Variants in ICE2 observed in about 807,000 individuals in gnomAD.
The protein encoded by ICE2 is interactor of little elongation complex ELL subunit 2.
Under a neutral mutation model 105.4 loss-of-function variants are expected in ICE2, and 87 were observed. That is an observed-to-expected ratio of 0.83 (90% CI 0.69 to 0.99). The LOEUF is 0.99. ICE2 is among the 50% of genes least tolerant of loss of function. ICE2 has a pLI of 0.00. For synonymous variants in ICE2, 399 were observed against 392.0 expected (o/e 1.02, Z -0.21); for missense variants, 1,323 against 1,146.7 (o/e 1.15, Z -2.22).
rs1431677021 is a variant in ICE2, at chr15:60,422,653, G to A, written c.*981C>T. On this transcript the variant is annotated 3_prime_UTR_variant, in exon 16 of 16. Coordinates refer to ENST00000261520, the MANE Select transcript of ICE2 (RefSeq NM_024611.6). ...AGTTTGAGACCAGCCCGGCCAACAT[G>A]GTAACACCCTGTCTCTACTAAAAAT... 2.0e-5 allele frequency: 3 copies of A among 149,568 alleles called. No individual in the cohort carries two copies. In the Admixed American group the frequency reaches 2.0e-4, roughly 10 times the overall value. The allele number at this position is 149,568 out of a possible 1,614,324, so 9.3% of individuals were successfully genotyped here. A position where few individuals can be genotyped will look rare whatever the true frequency, so the allele number is the denominator to read the frequency against.
rs1482212602 is a variant in ICE2, at chr15:60,421,451, A to T, written c.*2183T>A. The T allele has an allele frequency of 2.0e-5, 3 of 152,220 alleles. No individual in the cohort carries two copies. The highest frequency in any genetic ancestry group is 7.2e-5 in the African/African-American group (3 of 41,456). The allele number at this position is 152,220 out of a possible 1,614,324, so 9.4% of individuals were successfully genotyped here. ...ACATAAAGCATATCAAATGTATGTT[A>T]AAAAAGGAGGCTTCACTAAGCACAA... is the stretch of plus-strand genomic sequence containing the variant. On this transcript the variant is annotated 3_prime_UTR_variant, in exon 16 of 16. Transcript: ENST00000261520.
intron 5 of ICE2, among the ~76,000 whole-genome samples, chr15:60,465,793 T>A (rs28545307): frequency 0.021 from 3,044 of 147,376 alleles, 111 homozygotes; most frequent in African/African-American, 0.072. Flanking sequence ...CTCTGTCACC[T>A]AGGCTGGACT....
chr15:60,431,383 A>G (rs1353054412), intron 14 of ICE2, among the ~76,000 whole-genome samples: 1 of 152,160 alleles, frequency 6.6e-6, no homozygotes, highest in Non-Finnish European at 1.5e-5. Context: ...AGTAATCACC[A>G]GGAACCTTAT....
intron 9 of ICE2, 111 bp downstream of exon 9, chr15:60,453,492 T>G (rs2064016741): frequency 2.0e-6 from 3 of 1,473,408 alleles, no homozygotes; most frequent in Non-Finnish European, 2.7e-6. Flanking sequence ...TCAGTTTGAA[T>G]CTAAAGCCTG....
Position 60,453,738 on chromosome 15 carries a change from T to A in ICE2, c.990A>T (p.Gln330His). 6.2e-7 allele frequency: 1 copy of A among 1,602,356 alleles called. No individual in the cohort carries two copies. Among genetic ancestry groups the A allele is most frequent in the Non-Finnish European group, 8.6e-7 (1 of 1,169,356 alleles). Reference protein sequence around the residue: ...KVIYINSPLPQKKMTMRERNQ... With the variant: ...KVIYINSPLPHKKMTMRERNQ... ...TTCTCTCTCTCATAGTCATTTTCTT[T>A]TGGGGAAGTGGTGAATTAATATATA... The change falls in exon 9 of 16, where the codon CAA becomes CAT. Residue 330 changes from glutamine (Q) to histidine (H), a missense_variant. By Grantham distance (24) the Gln-to-His change is conservative. Coordinates refer to ENST00000261520, the MANE Select transcript of ICE2 (RefSeq NM_024611.6).
At chr15:60,457,667 G>A (rs1038409874) in intron 5 of ICE2, among the ~76,000 whole-genome samples, 2 of 151,984 alleles carry the variant, frequency 1.3e-5, no homozygotes, top group African/African-American at 4.8e-5. Context: ...TATAGTTTCA[G>A]AACCCCTTCC....
chr15:60,446,723 C>G (rs79215114), intron 11 of ICE2, among the ~76,000 whole-genome samples: 194 of 152,174 alleles, frequency 1.3e-3, no homozygotes, highest in African/African-American at 4.5e-3. Flanking sequence ...ATACAGTAGT[C>G]AGGAAGTCCT....
At chr15:60,478,491 C>T (rs1286921633) in intron 1 of ICE2, 1 of 185,048 alleles carries the variant, frequency 5.4e-6, no homozygotes, top group Non-Finnish European at 1.1e-5. Flanking sequence ...TATCAGGAAT[C>T]TTAGGCCTTT....
intron 5 of ICE2, among the ~76,000 whole-genome samples, chr15:60,463,153 T>C (rs891017058): frequency 2.0e-5 from 3 of 152,210 alleles, no homozygotes; most frequent in South Asian, 4.1e-4. Flanking sequence ...AGATGAGGTG[T>C]ATGCATCTTT....
chr15:60,445,718 C>G lies in ICE2; in HGVS notation c.2295+2252G>C, dbSNP rs974407853. On this transcript the variant is annotated intron_variant, in intron 11 of 15. Transcript: ENST00000261520. ...CAAGCTGTCTTGTTCAAGAATTAAACTGGTATCCAAAATTTCCCTAGGCTA... is the reference window on the plus strand; with the variant it reads ...CAAGCTGTCTTGTTCAAGAATTAAAGTGGTATCCAAAATTTCCCTAGGCTA... 6.1e-6 allele frequency: 6 copies of G among 985,062 alleles called. No individual in the cohort carries two copies. The Admixed American group carries it at 2.5e-4, about 40-fold the overall frequency. The allele number at this position is 985,062 out of a possible 1,614,324, so 61.0% of individuals were successfully genotyped here.
chr15:60,442,518 C>T lies in ICE2; in HGVS notation c.2323G>A (p.Val775Ile), dbSNP rs753922542. 16 of 1,582,290 alleles carry T rather than the reference C, an allele frequency of 1.0e-5. No individual in the cohort carries two copies. Among genetic ancestry groups the T allele is most frequent in the Non-Finnish European group, 1.2e-5 (14 of 1,172,056 alleles). ...RQFPVYVLPKVEYQACYGVEA... is the reference protein window; with the variant it reads ...RQFPVYVLPKIEYQACYGVEA... ...ACTCCATAACAAGCTTGATACTCTA[C>T]TTTTGGTAGTACATAAACTGGAAAT... Residue 775 changes from valine (V) to isoleucine (I), a missense_variant, in exon 12 of 16, where the codon GTA (valine) becomes ATA (isoleucine). Transcript: ENST00000261520.
At chr15:60,432,520 T>C (rs1469147901) in intron 13 of ICE2, among the ~76,000 whole-genome samples, 1 of 151,878 alleles carries the variant, frequency 6.6e-6, no homozygotes, top group Non-Finnish European at 1.5e-5. Context: ...TTCCTTTCAT[T>C]ATCATAATGT....
chr15:60,423,845 G>A, intron 15 of ICE2, 83 bp from the exon 16 acceptor site: 1 of 1,208,122 alleles, frequency 8.3e-7, no homozygotes, highest in Non-Finnish European at 1.1e-6. Flanking sequence ...ATTTATACAT[G>A]TATTAACCAC....
At chr15:60,423,923 T>G (rs901846656) in intron 15 of ICE2, among the ~76,000 whole-genome samples, 161 bp from the exon 16 acceptor site, 1 of 152,246 alleles carries the variant, frequency 6.6e-6, no homozygotes, top group Non-Finnish European at 1.5e-5. Flanking sequence ...AGTTTTAATC[T>G]GACACATTTT....
chr15:60,420,115 T>G lies in ICE2; in HGVS notation c.*3519A>C, dbSNP rs923723006. On this transcript the variant is annotated 3_prime_UTR_variant, in exon 16 of 16. Transcript: ENST00000261520. ...TTCAGCAAATTGGTTATAACCAATA[T>G]AGCACACAAACCTAGAATCCAAAAG... 1 of 151,242 alleles carries G rather than the reference T, an allele frequency of 6.6e-6. No homozygotes were observed. Among genetic ancestry groups the G allele is most frequent in the Non-Finnish European group, 1.5e-5 (1 of 67,922 alleles). 9.4% of individuals were successfully genotyped at this position (151,242 alleles called of 1,614,324 possible). A position where few individuals can be genotyped will look rare whatever the true frequency, so the allele number is the denominator to read the frequency against.
chr15:60,467,722 C>G (rs183670683), intron 4 of ICE2, among the ~76,000 whole-genome samples: 25 of 152,204 alleles, frequency 1.6e-4, no homozygotes, highest in Admixed American at 1.5e-3. Context: ...AAAGATTTTG[C>G]TACAAAGATG....
At chr15:60,439,409 C>G (rs2063671483) in intron 12 of ICE2, 1 of 152,136 alleles carries the variant, frequency 6.6e-6, no homozygotes, top group East Asian at 1.9e-4. Context: ...GAGACAGGGT[C>G]TCACTCTGTC....
rs1442658568 is a variant in ICE2 at position 60,466,603 on chromosome 15, G to C, written c.519C>G (p.Leu173=). ...DYNMLSDDAR[L]FTEKILRACI... is the part of the protein sequence containing the mutation. ...TGAGTTGTTTTTTTACCTCTGTGAA[G>C]AGACGGGCATCATCAGAAAGCATAT... The change falls in exon 5 of 16, where the codon CTC becomes CTG. Residue 173 remains leucine (L), a synonymous_variant. Transcript: ENST00000261520. The C allele has an allele frequency of 1.2e-6, 2 of 1,610,754 alleles. No individual in the cohort carries two copies. The highest frequency in any genetic ancestry group is 3.4e-5 in the Admixed American group (2 of 59,580).
chr15:60,463,203 G>T (rs970147148), intron 5 of ICE2, among the ~76,000 whole-genome samples: 1 of 152,182 alleles, frequency 6.6e-6, no homozygotes, highest in African/African-American at 2.4e-5. Flanking sequence ...TCTATCGTGA[G>T]TCAAGAAGCA....
Sources: allele counts gnomAD v4.1 joint callset (sites outside exome capture counted in the v4.1 genomes callset), GRCh38; gene constraint gnomAD v4.1.1; transcripts MANE v1.5; gene names NCBI Gene and HGNC (gene_info 2026-07-23, HGNC 2026-07-21).